GPC6: variants seen among roughly 807,000 people sequenced by gnomAD.
The protein encoded by GPC6 is glypican-6.
GPC6 carries 14 observed loss-of-function variants against 55.2 expected under a neutral mutation model. The ratio of observed to expected loss-of-function variants is 0.25; its 90% CI spans 0.17 to 0.40. GPC6 has a LOEUF of 0.40. GPC6 is among the 10% of genes least tolerant of loss of function. The pLI, the probability that GPC6 is intolerant of heterozygous loss-of-function variation, is 1.00. For missense variants in GPC6, 641 were observed against 708.5 expected (o/e 0.90, Z 1.08); for synonymous variants, 278 against 259.6 (o/e 1.07, Z -0.68).
At chr13:93,621,756 A>G (rs955810477) in intron 2 of GPC6, among the ~76,000 whole-genome samples, 1 of 152,164 alleles carries the variant, frequency 6.6e-6, no homozygotes, top group Non-Finnish European at 1.5e-5. Flanking sequence ...ATATGTGTAC[A>G]TATTTATAGG....
intron 4 of GPC6, among the ~76,000 whole-genome samples, chr13:94,043,933 A>G (rs1883632829): frequency 1.3e-5 from 2 of 151,870 alleles, no homozygotes; most frequent in South Asian, 4.1e-4. Flanking sequence ...ATTCATTGGT[A>G]ATAGAATTAG....
chr13:93,598,120 G>C (rs1228150749), intron 2 of GPC6, among the ~76,000 whole-genome samples: 2 of 152,100 alleles, frequency 1.3e-5, no homozygotes, highest in Non-Finnish European at 2.9e-5. Flanking sequence ...CTCCAGCCTG[G>C]CAACAGAGCG....
chr13:93,260,850 A>G (rs189943564), intron 1 of GPC6, among the ~76,000 whole-genome samples: 166 of 152,210 alleles, frequency 1.1e-3, no homozygotes, highest in African/African-American at 3.6e-3. Flanking sequence ...AACTCTAGCA[A>G]TGTAGTAGTC....
chr13:93,731,537 C>T (rs181148957), intron 2 of GPC6, among the ~76,000 whole-genome samples: 11 of 152,224 alleles, frequency 7.2e-5, no homozygotes, highest in Non-Finnish European at 1.3e-4. Context: ...GCAAACCAAG[C>T]GTCTATTCTA....
intron 2 of GPC6, among the ~76,000 whole-genome samples, chr13:93,802,000 T>C (rs1439346553): frequency 6.6e-6 from 1 of 152,200 alleles, no homozygotes; most frequent in African/African-American, 2.4e-5. Flanking sequence ...TCTCTTTTAA[T>C]TGTTTCAATA....
intron 1 of GPC6, among the ~76,000 whole-genome samples, chr13:93,423,652 A>G (rs748436044): frequency 1.4e-4 from 22 of 152,106 alleles, no homozygotes; most frequent in Non-Finnish European, 2.8e-4. Flanking sequence ...CTTCTTGAGC[A>G]TTATTTTCTC....
chr13:93,838,630 C>A (rs893703745), intron 3 of GPC6, among the ~76,000 whole-genome samples: 1 of 151,964 alleles, frequency 6.6e-6, no homozygotes, highest in Admixed American at 6.5e-5. Flanking sequence ...GAAAGATGGG[C>A]AGGGAGCTGA....
chr13:93,844,702 G>C (rs576833334), intron 3 of GPC6, among the ~76,000 whole-genome samples: 28 of 146,296 alleles, frequency 1.9e-4, no homozygotes, highest in Non-Finnish European at 3.3e-4. Flanking sequence ...TGGTGTTTTG[G>C]ACATGAAGTC....
chr13:93,218,573 C>T, the GPC6 span, among the ~76,000 whole-genome samples: 10 of 152,260 alleles, frequency 6.6e-5, no homozygotes, highest in South Asian at 1.2e-3. Context: ...GGAAACTTTC[C>T]TCAATGTGGA....
intron 1 of GPC6, among the ~76,000 whole-genome samples, chr13:93,334,996 T>C (rs1310175791): frequency 6.6e-6 from 1 of 152,176 alleles, no homozygotes; most frequent in Non-Finnish European, 1.5e-5. Flanking sequence ...TTGCCAACAA[T>C]AAATGAATAA....
Position 93,371,340 on chromosome 13 carries a change from A to G in GPC6, c.160+143724A>G, listed in dbSNP as rs558867843. Among the ~76,000 whole-genome samples, 13 of 152,272 alleles carry G rather than the reference A, an allele frequency of 8.5e-5. No individual in the cohort carries two copies. The East Asian group carries it at 2.5e-3, about 29-fold the overall frequency. On this transcript the variant is annotated intron_variant, in intron 1 of 8. Coordinates refer to ENST00000377047, the MANE Select transcript of GPC6 (RefSeq NM_005708.5). ...TAAATAGGTTTAATCAGCCAAATCT[A>G]GTTAGCTCAGATTTTAGGTAAACTA...
At chr13:93,536,320 C>A (rs1464688902) in intron 1 of GPC6, among the ~76,000 whole-genome samples, 1 of 152,056 alleles carries the variant, frequency 6.6e-6, no homozygotes, top group Non-Finnish European at 1.5e-5. Flanking sequence ...GTAATCTTCA[C>A]CATTATCCAT....
intron 4 of GPC6, among the ~76,000 whole-genome samples, chr13:94,255,488 G>C (rs1376409513): frequency 6.6e-6 from 1 of 152,210 alleles, no homozygotes; most frequent in African/African-American, 2.4e-5. Flanking sequence ...GGAAGGACTT[G>C]AGGGATGGTT....
At chr13:94,205,360 C>T (rs1396968501) in intron 4 of GPC6, among the ~76,000 whole-genome samples, 1 of 152,272 alleles carries the variant, frequency 6.6e-6, no homozygotes, top group East Asian at 1.9e-4. Context: ...CATTACGTTT[C>T]TTGTGTATTT....
At chr13:93,260,651 G>A (rs1215362321) in intron 1 of GPC6, among the ~76,000 whole-genome samples, 1 of 151,990 alleles carries the variant, frequency 6.6e-6, no homozygotes, top group Non-Finnish European at 1.5e-5. Context: ...CATTATCCTA[G>A]ATGGGAAAAT....
At chr13:94,080,133 G>C (rs1885053351) in intron 4 of GPC6, among the ~76,000 whole-genome samples, 1 of 152,190 alleles carries the variant, frequency 6.6e-6, no homozygotes, top group Admixed American at 6.6e-5. Context: ...AGTCATTTGA[G>C]ATTCATCATC....
chr13:94,238,092 A>C (rs1365165529), intron 4 of GPC6, among the ~76,000 whole-genome samples: 1 of 152,184 alleles, frequency 6.6e-6, no homozygotes, highest in Non-Finnish European at 1.5e-5. Flanking sequence ...CCATTTACCA[A>C]GATGGAGGAA....
chr13:94,266,043 C>G (rs1891791197), intron 4 of GPC6, among the ~76,000 whole-genome samples: 1 of 152,130 alleles, frequency 6.6e-6, no homozygotes, highest in South Asian at 2.1e-4. Flanking sequence ...CGCTAGGTGT[C>G]TAACCTATTA....
intron 1 of GPC6, among the ~76,000 whole-genome samples, chr13:93,405,545 C>T (rs550260468): frequency 4.6e-5 from 7 of 152,214 alleles, no homozygotes; most frequent in African/African-American, 7.2e-5. Context: ...TCATTTTGTC[C>T]GTGCACACTG....
Sources: gnomAD v4.1 joint callset for allele counts (sites outside exome capture counted in the v4.1 genomes callset) on GRCh38, gnomAD v4.1.1 for gene constraint, MANE v1.5 for transcripts, NCBI Gene and HGNC (gene_info 2026-07-23, HGNC 2026-07-21) for gene names.